The following SLC26A7 variants were observed in gnomAD, a reference collection of about 807,000 sequenced individuals.
SLC26A7 encodes anion exchange transporter.
SLC26A7 carries 59 observed loss-of-function variants against 82.5 expected under a neutral mutation model. The observed-to-expected ratio is 0.72, with a 90% CI of 0.58 to 0.89. The LOEUF (loss-of-function observed/expected upper bound fraction) is 0.89. Ranked by LOEUF, SLC26A7 falls within the 40% of genes least tolerant of loss-of-function variation. The pLI, the probability that SLC26A7 is intolerant of heterozygous loss-of-function variation, is 0.00. For missense variants in SLC26A7, 820 were observed against 793.0 expected (o/e 1.03, Z -0.41); for synonymous variants, 271 against 274.3 (o/e 0.99, Z 0.12).
At chr8:91,248,080 A>G (rs894185161), upstream of SLC26A7, among the ~76,000 whole-genome samples, 2 of 152,136 alleles carry the variant, frequency 1.3e-5, no homozygotes, top group African/African-American at 4.8e-5. Flanking sequence ...TACCAAGAGG[A>G]TAGGATTAAA....
intron 2 of SLC26A7, among the ~76,000 whole-genome samples, chr8:91,267,470 T>C (rs1360538829): frequency 6.6e-6 from 1 of 151,992 alleles, no homozygotes. Flanking sequence ...TTTCTATTTC[T>C]TCATGATTCA....
rs1808548252 is a variant in SLC26A7 at position 91,395,649 on chromosome 8, A to G, written c.*552A>G. ...GTAAACCAAACAAAACGAATGAAAA[A>G]CTGGAAATAATTCGTTTCCATATCT... On this transcript the variant is annotated 3_prime_UTR_variant, in exon 19 of 19. Transcript: ENST00000276609. 2.0e-5 allele frequency: 3 copies of G among 152,196 alleles called. No homozygotes were observed. The highest frequency in any genetic ancestry group is 7.2e-5 in the African/African-American group (3 of 41,444). 9.4% of individuals were successfully genotyped at this position (152,196 alleles called of 1,614,324 possible).
chr8:91,350,895 G>A (rs777195136), intron 9 of SLC26A7, among the ~76,000 whole-genome samples: 5 of 152,146 alleles, frequency 3.3e-5, no homozygotes, highest in Non-Finnish European at 7.4e-5. Flanking sequence ...CAGAGTAGCT[G>A]TACCATATTG....
intron 4 of SLC26A7, among the ~76,000 whole-genome samples, chr8:91,316,556 C>T (rs557093201): frequency 2.1e-4 from 31 of 145,698 alleles, no homozygotes; most frequent in Non-Finnish European, 7.5e-5. Context: ...GATCCTCCTG[C>T]CTCGACCTCC....
At chr8:91,282,543 A>T (rs1811602243) in intron 2 of SLC26A7, among the ~76,000 whole-genome samples, 2 of 152,182 alleles carry the variant, frequency 1.3e-5, no homozygotes, top group Non-Finnish European at 2.9e-5. Context: ...TTCCTCTGGC[A>T]CCAAAGAGAA....
intron 2 of SLC26A7, among the ~76,000 whole-genome samples, chr8:91,252,909 GA>G (rs1810699120): frequency 6.6e-6 from 1 of 151,984 alleles, no homozygotes; most frequent in African/African-American, 2.4e-5. Context: ...GGCAAATTTG[GA>G]AGCTATGTAT....
At chr8:91,338,112 T>G (rs1188051366) in intron 6 of SLC26A7, 38 bp from the exon 7 acceptor site, 1 of 1,484,680 alleles carries the variant, frequency 6.7e-7, no homozygotes, top group African/African-American at 1.4e-5. Context: ...AGGTCAGTAA[T>G]GTATATATTT....
Position 91,395,044 on chromosome 8 carries a change from C to A in SLC26A7, c.1936-18C>A. ...TTGAGTAAATAGCACATACTTACTT[C>A]TTCCTCTGGTATTTCAGAATTTGAG... On this transcript the variant is annotated intron_variant, in intron 18 of 18. Transcript: ENST00000276609. The A allele has an allele frequency of 6.2e-7, 1 of 1,612,722 alleles. No homozygotes were observed. The highest frequency in any genetic ancestry group is 8.5e-7 in the Non-Finnish European group (1 of 1,178,824).
At chr8:91,264,157 G>A (rs1811046434) in intron 2 of SLC26A7, among the ~76,000 whole-genome samples, 1 of 152,080 alleles carries the variant, frequency 6.6e-6, no homozygotes. Flanking sequence ...GCAAGACCAA[G>A]TAAAATAACA....
At chr8:91,365,849 G>C (rs773832945) in intron 13 of SLC26A7, among the ~76,000 whole-genome samples, 154 of 152,130 alleles carry the variant, frequency 1.0e-3, no homozygotes, top group Admixed American at 3.4e-3. Context: ...AGTTGGTAAG[G>C]AGTTGTCATT....
At chr8:91,287,078 A>G (rs575464188) in intron 2 of SLC26A7, among the ~76,000 whole-genome samples, 11 of 152,196 alleles carry the variant, frequency 7.2e-5, no homozygotes, top group Admixed American at 1.3e-4. Flanking sequence ...ATTGTTGTTT[A>G]AAGTAAAATT....
At chr8:91,370,753 G>T (rs1814335626) in intron 15 of SLC26A7, among the ~76,000 whole-genome samples, 1 of 151,904 alleles carries the variant, frequency 6.6e-6, no homozygotes, top group African/African-American at 2.4e-5. Flanking sequence ...GAGTTGAATT[G>T]AAACAGATTT....
At chr8:91,309,587 A>G (rs1812420579) in intron 4 of SLC26A7, among the ~76,000 whole-genome samples, 2 of 152,110 alleles carry the variant, frequency 1.3e-5, no homozygotes, top group South Asian at 4.1e-4. Context: ...CAGCAACCTC[A>G]ATTCTTGCCT....
At chr8:91,349,404 A>T (rs1207039016) in intron 9 of SLC26A7, among the ~76,000 whole-genome samples, 1 of 152,188 alleles carries the variant, frequency 6.6e-6, no homozygotes, top group African/African-American at 2.4e-5. Flanking sequence ...GTTAATGAAC[A>T]TACAAAGCAC....
At chr8:91,300,472 A>C (rs1046943547) in intron 4 of SLC26A7, among the ~76,000 whole-genome samples, 1 of 150,112 alleles carries the variant, frequency 6.7e-6, no homozygotes, top group East Asian at 2.0e-4. Context: ...ATCTCGGCTC[A>C]CTGCAAGCTC....
chr8:91,307,766 A>C (rs1586389953), intron 4 of SLC26A7, among the ~76,000 whole-genome samples: 1 of 150,094 alleles, frequency 6.7e-6, no homozygotes, highest in Non-Finnish European at 1.5e-5. Context: ...AACCTGCACA[A>C]TGTGCACATG....
intron 11 of SLC26A7, among the ~76,000 whole-genome samples, chr8:91,359,640 T>A (rs1258174870): frequency 6.6e-6 from 1 of 152,036 alleles, no homozygotes; most frequent in East Asian, 1.9e-4. Flanking sequence ...CCTTCTGTGG[T>A]TGGAGTGGAT....
Position 91,395,118 on chromosome 8 carries a change from G to C in SLC26A7, c.*21G>C. 2 of 1,612,934 alleles carry C rather than the reference G, an allele frequency of 1.2e-6. No individual in the cohort carries two copies. Among genetic ancestry groups the C allele is most frequent in the East Asian group, 2.2e-5 (1 of 44,844 alleles). ...TCTGAGACCCTTTTGTCACAGTACA[G>C]CTCTTGTCTTTACCAACTGCCTGAA... On this transcript the variant is annotated 3_prime_UTR_variant, in exon 19 of 19. Coordinates refer to ENST00000276609, the MANE Select transcript of SLC26A7 (RefSeq NM_052832.4).
intron 7 of SLC26A7, among the ~76,000 whole-genome samples, chr8:91,339,157 T>G (rs1296588587): frequency 6.6e-6 from 1 of 152,200 alleles, no homozygotes; most frequent in Admixed American, 6.5e-5. Context: ...TTGTTATTAG[T>G]AATTAGGTTC....
Sources: allele counts gnomAD v4.1 joint callset (sites outside exome capture counted in the v4.1 genomes callset), GRCh38; gene constraint gnomAD v4.1.1; transcripts MANE v1.5; gene names NCBI Gene and HGNC (gene_info 2026-07-23, HGNC 2026-07-21).